The following GPR89B variants were observed in gnomAD, a reference collection of about 807,000 sequenced individuals.
GPR89B encodes the protein golgi pH regulator B, also known as G protein-coupled receptor 89B.
A neutral mutation model predicts 52.4 loss-of-function variants in GPR89B; 25 were observed. That is an observed-to-expected ratio of 0.48 (90% CI 0.35 to 0.67). The LOEUF is 0.67. GPR89B is among the 30% of genes least tolerant of loss of function. The probability of loss-of-function intolerance (pLI) is 0.01; values close to 1 mark genes in which losing one functional copy is unlikely to be tolerated. For synonymous variants in GPR89B, 52 were observed against 151.2 expected (o/e 0.34, Z 4.81); for missense variants, 146 against 450.2 (o/e 0.32, Z 6.11).
chr1:147,992,025 T>C (rs1435229540), intron 12 of GPR89B, among the ~76,000 whole-genome samples: 1 of 151,944 alleles, frequency 6.6e-6, no homozygotes, highest in Admixed American at 6.6e-5. Flanking sequence ...GTAGGAAGAC[T>C]TCACGGAGGT....
intron 1 of GPR89B, among the ~76,000 whole-genome samples, chr1:147,932,363 A>G (rs1553247184): frequency 6.6e-6 from 1 of 152,036 alleles, no homozygotes; most frequent in Admixed American, 6.6e-5. Context: ...ATGTAAGTCC[A>G]CACTTGGATC....
chr1:147,975,282 G>A (rs1183096263), intron 10 of GPR89B, among the ~76,000 whole-genome samples: 2 of 139,348 alleles, frequency 1.4e-5, no homozygotes, highest in Non-Finnish European at 3.1e-5. Context: ...GAATTCAGCT[G>A]TAAATCCATC....
chr1:147,950,304 G>A (rs1655535775), intron 5 of GPR89B, among the ~76,000 whole-genome samples: 1 of 150,736 alleles, frequency 6.6e-6, no homozygotes, highest in Admixed American at 6.6e-5. Flanking sequence ...CGGGGCGGCG[G>A]GGCAGAGGCG....
chr1:147,978,623 C>A (rs1185886247), intron 10 of GPR89B, among the ~76,000 whole-genome samples: 15 of 151,340 alleles, frequency 9.9e-5, no homozygotes, highest in Admixed American at 6.6e-5. Context: ...CCCCTGCCCC[C>A]AGGGGCTCCT....
chr1:147,949,382 G>C (rs1655317235), intron 5 of GPR89B, among the ~76,000 whole-genome samples: 1 of 139,978 alleles, frequency 7.1e-6, no homozygotes, highest in Non-Finnish European at 1.5e-5. Flanking sequence ...GGCTGGCTGG[G>C]CGGGGGGCTG....
chr1:147,977,233 C>CAAAAAAAA (rs1191631857), intron 10 of GPR89B, among the ~76,000 whole-genome samples: 2 of 41,326 alleles, frequency 4.8e-5, no homozygotes, highest in Non-Finnish European at 4.2e-5. Flanking sequence ...GACTCCATCT[C>CAAAAAAAA]AAAAAAAAAA....
intron 10 of GPR89B, among the ~76,000 whole-genome samples, chr1:147,979,114 G>A (rs1658054572): frequency 6.6e-6 from 1 of 151,738 alleles, no homozygotes; most frequent in Non-Finnish European, 1.5e-5. Flanking sequence ...CTTGCCCTGT[G>A]CGGCTCCCAG....
At chr1:148,002,038 C>CCTTTTTTTTTTTTT in the GPR89B span, among the ~76,000 whole-genome samples, 1 of 130,048 alleles carries the variant, frequency 7.7e-6, no homozygotes, top group African/African-American at 2.9e-5. Flanking sequence ...CCAGATGCTG[C>CCTTTTTTTTTTTTT]TTTTTTTTTT....
intron 12 of GPR89B, among the ~76,000 whole-genome samples, chr1:147,990,414 T>C (rs1658973797): frequency 6.6e-6 from 1 of 152,184 alleles, no homozygotes; most frequent in South Asian, 2.1e-4. Context: ...TTCACTCTGA[T>C]GGTAGTTTCT....
intron 7 of GPR89B, among the ~76,000 whole-genome samples, chr1:147,962,387 G>A (rs1656647339): frequency 6.7e-6 from 1 of 149,418 alleles, no homozygotes; most frequent in African/African-American, 2.5e-5. Flanking sequence ...TTGCTCCGCT[G>A]CCCTCCAGCC....
Position 147,979,827 on chromosome 1 carries a change from A to G in GPR89B, c.910-6372A>G, listed in dbSNP as rs1219988854. On this transcript the variant is annotated intron_variant, in intron 10 of 13. Coordinates refer to ENST00000314163, the MANE Select transcript of GPR89B (RefSeq NM_016334.5). Reference sequence around the variant, plus strand: ...GCATTGTCTGAGCATGTTGGCTCACACCTGTATTCCCAGTACTTTGGGAGG... The same window carrying G: ...GCATTGTCTGAGCATGTTGGCTCACGCCTGTATTCCCAGTACTTTGGGAGG... Among the ~76,000 whole-genome samples the G allele has an allele frequency of 2.0e-4, 30 of 152,122 alleles. No individual in the cohort carries two copies. In the East Asian group the frequency reaches 4.1e-3, roughly 21 times the overall value.
At chr1:147,992,477 A>C in intron 12 of GPR89B, 25 bp from the exon 13 acceptor site, 3 of 1,611,112 alleles carry the variant, frequency 1.9e-6, no homozygotes, top group African/African-American at 1.3e-5. Context: ...GTACTGCATA[A>C]ATTTATCTCC....
the GPR89B span, among the ~76,000 whole-genome samples, chr1:148,025,281 A>C: frequency 6.6e-6 from 1 of 151,868 alleles, no homozygotes; most frequent in Non-Finnish European, 1.5e-5. Context: ...TCCTAATTGT[A>C]GAATGAGCAA....
intron 12 of GPR89B, among the ~76,000 whole-genome samples, chr1:147,990,158 A>T (rs1658956361): frequency 6.6e-6 from 1 of 152,154 alleles, no homozygotes; most frequent in Admixed American, 6.5e-5. Flanking sequence ...TCACCATTCT[A>T]ACTGGTGTGT....
At chr1:148,002,361 A>G in the GPR89B span, among the ~76,000 whole-genome samples, 1 of 152,088 alleles carries the variant, frequency 6.6e-6, no homozygotes, top group Non-Finnish European at 1.5e-5. Context: ...GTTCCTGCCT[A>G]GAATTCTACC....
At chr1:148,021,522 G>A in the GPR89B span, among the ~76,000 whole-genome samples, 1 of 151,528 alleles carries the variant, frequency 6.6e-6, no homozygotes, top group African/African-American at 2.4e-5. Context: ...CTGTGGGGTG[G>A]GGCGGACACA....
the GPR89B span, among the ~76,000 whole-genome samples, chr1:148,025,373 G>C: frequency 6.6e-6 from 1 of 151,352 alleles, no homozygotes. Context: ...AGAATCATAG[G>C]ATTGCCAGGC....
At chr1:147,984,988 C>G (rs1274749460) in intron 10 of GPR89B, among the ~76,000 whole-genome samples, 2 of 152,094 alleles carry the variant, frequency 1.3e-5, no homozygotes, top group African/African-American at 2.4e-5. Flanking sequence ...AGGAGTGTTC[C>G]ATAAATGTCA....
intron 7 of GPR89B, among the ~76,000 whole-genome samples, chr1:147,960,441 T>C (rs1267880564): frequency 6.6e-6 from 1 of 151,822 alleles, no homozygotes; most frequent in Non-Finnish European, 1.5e-5. Flanking sequence ...AACAAAGAAA[T>C]GGAAACTTTT....
Sources: allele counts gnomAD v4.1 joint callset (sites outside exome capture counted in the v4.1 genomes callset), GRCh38; gene constraint gnomAD v4.1.1; transcripts MANE v1.5; gene names NCBI Gene and HGNC (gene_info 2026-07-23, HGNC 2026-07-21).